TNRC6A: variants seen among roughly 807,000 people sequenced by gnomAD.
TNRC6A encodes the protein trinucleotide repeat containing adaptor 6A.
Under a neutral mutation model 221.2 loss-of-function variants are expected in TNRC6A, and 44 were observed. That is an observed-to-expected ratio of 0.20 (90% CI 0.16 to 0.26). The LOEUF is 0.26. Ranked by LOEUF, TNRC6A falls within the 10% of genes least tolerant of loss-of-function variation. The probability of loss-of-function intolerance (pLI) is 1.00; values close to 1 mark genes in which losing one functional copy is unlikely to be tolerated. For missense variants in TNRC6A, 2,199 were observed against 2,404.4 expected (o/e 0.91, Z 1.79); for synonymous variants, 847 against 838.5 (o/e 1.01, Z -0.18).
chr16:24,674,597 C>T (rs2055369344), intron 2 of TNRC6A, among the ~76,000 whole-genome samples: 1 of 151,940 alleles, frequency 6.6e-6, no homozygotes, highest in Non-Finnish European at 1.5e-5. Context: ...CGGAGTTCCA[C>T]ATAAAAGCAG....
chr16:24,790,234 G>T lies in TNRC6A; in HGVS notation c.1592G>T (p.Gly531Val). ...GGTGCCTATGGTTCTAATTACTCTG[G>T]AGACAAATGTTCAGGCCCTAATGGC... ...TWGAYGSNYS[G>V]DKCSGPNGQA... is the part of the protein sequence containing the mutation. The change falls in exon 6 of 25, where the codon GGA becomes GTA. Residue 531 changes from glycine to valine, a missense_variant. By Grantham distance (109) the Gly-to-Val change is moderately radical. Transcript: ENST00000395799. 6.2e-7 allele frequency: 1 copy of T among 1,614,202 alleles called. No homozygotes were observed. The highest frequency in any genetic ancestry group is 1.1e-5 in the South Asian group (1 of 91,088).
chr16:24,796,245 CTG>C, intron 9 of TNRC6A: 1 of 321,628 alleles, frequency 3.1e-6, no homozygotes, highest in Non-Finnish European at 5.7e-6. Context: ...AGATCTGGCT[CTG>C]TAGTTGAGGC....
intron 1 of TNRC6A, among the ~76,000 whole-genome samples, chr16:24,630,954 T>G (rs1901300682): frequency 6.7e-6 from 1 of 148,640 alleles, no homozygotes; most frequent in Admixed American, 6.7e-5. Context: ...TGGGAAGGAG[T>G]GTGTTGGTGG....
chr16:24,662,963 C>A (rs1480116263), intron 2 of TNRC6A: 1 of 153,738 alleles, frequency 6.5e-6, no homozygotes, highest in African/African-American at 2.4e-5. Context: ...ATCAGCATCA[C>A]CTCCATGAAG....
At chr16:24,800,927 C>T (rs1394672385) in intron 11 of TNRC6A, among the ~76,000 whole-genome samples, 2 of 152,168 alleles carry the variant, frequency 1.3e-5, no homozygotes, top group Non-Finnish European at 2.9e-5. Context: ...GCCTCAGTAC[C>T]AGCTGGCTAA....
chr16:24,625,559 A>G (rs553629557), intron 1 of TNRC6A, among the ~76,000 whole-genome samples: 4 of 151,992 alleles, frequency 2.6e-5, no homozygotes, highest in Non-Finnish European at 5.9e-5. Flanking sequence ...CCCCGTCTCT[A>G]CTAAAAAATA....
chr16:24,657,355 G>C (rs7185184), intron 2 of TNRC6A, among the ~76,000 whole-genome samples: 9 of 115,710 alleles, frequency 7.8e-5, no homozygotes, highest in East Asian at 2.5e-4. Flanking sequence ...AACAAACAAA[G>C]AAACAAACAA....
intron 11 of TNRC6A, among the ~76,000 whole-genome samples, chr16:24,799,486 A>G (rs2058289196): frequency 6.6e-6 from 1 of 152,236 alleles, no homozygotes; most frequent in Admixed American, 6.5e-5. Context: ...AACAGCCCCA[A>G]GGGTCATTGT....
intron 2 of TNRC6A, among the ~76,000 whole-genome samples, chr16:24,660,462 G>C (rs2141907279): frequency 6.6e-6 from 1 of 151,092 alleles, no homozygotes; most frequent in East Asian, 1.9e-4. Flanking sequence ...ATATATATCA[G>C]ATTTTTAATC....
intron 2 of TNRC6A, among the ~76,000 whole-genome samples, chr16:24,723,451 G>A (rs2056444760): frequency 6.6e-6 from 1 of 152,066 alleles, no homozygotes; most frequent in African/African-American, 2.4e-5. Context: ...AAAATCAGCT[G>A]GGTGTGGTGG....
intron 3 of TNRC6A, among the ~76,000 whole-genome samples, chr16:24,757,779 A>G (rs1331540810): frequency 6.6e-6 from 1 of 152,202 alleles, no homozygotes; most frequent in African/African-American, 2.4e-5. Context: ...AATCAGTTTG[A>G]AATTTTTTTC....
upstream of TNRC6A, among the ~76,000 whole-genome samples, chr16:24,726,837 G>C (rs1323293997): frequency 6.6e-6 from 1 of 152,194 alleles, no homozygotes; most frequent in Non-Finnish European, 1.5e-5. Context: ...AGATCCCTTA[G>C]AGGGTCCCAC....
chr16:24,671,528 C>A (rs1156941228), intron 2 of TNRC6A, among the ~76,000 whole-genome samples: 1 of 152,240 alleles, frequency 6.6e-6, no homozygotes, highest in Non-Finnish European at 1.5e-5. Context: ...AGGCGCTGTG[C>A]AGGCACTATG....
At chr16:24,666,658 AAAAAAAAAAAATAT>A (rs1191057880) in intron 2 of TNRC6A, among the ~76,000 whole-genome samples, 2 of 123,298 alleles carry the variant, frequency 1.6e-5, no homozygotes, top group Admixed American at 9.4e-5. Flanking sequence ...AAAAAAAAAA[AAAAAAAAAAAATAT>A]ATATATATAT....
In TNRC6A at chr16:24,789,386, G is replaced by A. The variant is rs1236764428; in HGVS notation, c.744G>A (p.Glu248=). 15 of 1,614,250 alleles carry A rather than the reference G, an allele frequency of 9.3e-6. No individual in the cohort carries two copies. Among genetic ancestry groups the A allele is most frequent in the Non-Finnish European group, 1.3e-5 (15 of 1,180,044 alleles). ...AWPSAPGSDP[E]LASECMDADS... is the part of the protein sequence containing the mutation. Reference sequence around the variant, plus strand: ...CCTCAGCCCCTGGCAGTGATCCGGAGTTGGCTTCAGAATGTATGGATGCTG... The same window carrying A: ...CCTCAGCCCCTGGCAGTGATCCGGAATTGGCTTCAGAATGTATGGATGCTG... Residue 248 remains glutamate (E), a synonymous_variant, in exon 6 of 25, where the codon GAG becomes GAA. Transcript: ENST00000395799.
chr16:24,662,512 A>C (rs2055057874), intron 2 of TNRC6A: 2 of 152,066 alleles, frequency 1.3e-5, no homozygotes, highest in South Asian at 4.1e-4. Flanking sequence ...AAGGATAATT[A>C]GATAATTATA....
intron 3 of TNRC6A, among the ~76,000 whole-genome samples, chr16:24,755,301 G>GA (rs891850918): frequency 6.6e-6 from 1 of 152,032 alleles, no homozygotes; most frequent in African/African-American, 2.4e-5. Context: ...TAGATGATCA[G>GA]AAAAAAAGAA....
rs1401907814 is a variant in TNRC6A, at chr16:24,750,758, A to C, written c.86A>C (p.Glu29Ala). 6.4e-7 allele frequency: 1 copy of C among 1,568,264 alleles called. No individual in the cohort carries two copies. The highest frequency in any genetic ancestry group is 8.6e-7 in the Non-Finnish European group (1 of 1,161,018). The change falls in exon 3 of 25, where the codon GAA (glutamate) becomes GCA (alanine). Residue 29 changes from glutamate to alanine, a missense_variant. This residue lies in a region of TNRC6A where 1,405 missense variants were observed against 1,400.2 expected (regional missense o/e 1.00). Transcript: ENST00000395799. Reference sequence around the variant, plus strand: ...GTGCAAGAAGAAGAACAGTTGATGGAAGAAAAGAAAAAGAAAAAAGACGAC... The same window carrying C: ...GTGCAAGAAGAAGAACAGTTGATGGCAGAAAAGAAAAAGAAAAAAGACGAC... The part of the protein sequence containing the change: ...DLVQEEEQLM[E>A]EKKKKKDDKK...
At chr16:24,822,312 G>C (rs533184023) in intron 23 of TNRC6A, among the ~76,000 whole-genome samples, 165 bp downstream of exon 23, 1 of 152,334 alleles carries the variant, frequency 6.6e-6, no homozygotes, top group South Asian at 2.1e-4. Context: ...GTCGAATCTG[G>C]TGGTTCACGC....
Sources: gnomAD v4.1 joint callset for allele counts (sites outside exome capture counted in the v4.1 genomes callset) on GRCh38, gnomAD v4.1.1 for gene constraint, gnomAD v4.1.1 regional missense constraint, MANE v1.5 for transcripts, NCBI Gene and HGNC (gene_info 2026-07-23, HGNC 2026-07-21) for gene names.